The following CACNA1C variants were observed in gnomAD, a reference collection of about 807,000 sequenced individuals.
CACNA1C encodes calcium voltage-gated channel subunit alpha1 C, also known as voltage-dependent L-type calcium channel subunit alpha-1C.
In CACNA1C, 30 loss-of-function variants were observed where a neutral mutation model predicts 229.0. The ratio of observed to expected loss-of-function variants is 0.13; its 90% confidence interval spans 0.10 to 0.18. The LOEUF is 0.18. Among genes scored for constraint, CACNA1C ranks in the 10% least tolerant of loss-of-function variants. The pLI is 1.00. For missense variants in CACNA1C, 1,658 were observed against 2,845.0 expected (o/e 0.58, Z 9.49); for synonymous variants, 1,114 against 1,132.5 (o/e 0.98, Z 0.33).
At chr12:2,620,797 G>A (rs1026674645) in intron 29 of CACNA1C, among the ~76,000 whole-genome samples, 5 of 152,214 alleles carry the variant, frequency 3.3e-5, no homozygotes, top group Admixed American at 3.3e-4. Context: ...CACAAAAATT[G>A]CCAAATTCAT....
Position 1,971,157 on chromosome 12 carries a change from T to C in CACNA1C, c.95T>C (p.Leu32Ser). ...ACGGAGGTCAAGTTTAAGGGTACTT[T>C]GGTGCATGAAGCTCAACTCAACTAT... The change falls in exon 1 of 47, where the codon TTG (leucine) becomes TCG (serine). Residue 32 changes from leucine (L) to serine (S), a missense_variant. Transcript: ENST00000682462. The surrounding 1 kb of genome is among the most constrained non-coding windows in gnomAD (Gnocchi z 4.2). 7.8e-7 allele frequency: 1 copy of C among 1,289,420 alleles called. No individual in the cohort carries two copies. Among genetic ancestry groups the C allele is most frequent in the Non-Finnish European group, 1.0e-6 (1 of 988,530 alleles). 79.9% of individuals were successfully genotyped at this position (1,289,420 alleles called of 1,614,324 possible).
At chr12:2,638,283 C>T (rs1188594163) in intron 30 of CACNA1C, among the ~76,000 whole-genome samples, 1 of 152,124 alleles carries the variant, frequency 6.6e-6, no homozygotes, top group African/African-American at 2.4e-5. Flanking sequence ...AGATGGGCTT[C>T]CTTAAGGAGG....
At chr12:2,307,924 C>CGTCT (rs1295528316) in intron 3 of CACNA1C, among the ~76,000 whole-genome samples, 5 of 152,148 alleles carry the variant, frequency 3.3e-5, no homozygotes, top group Non-Finnish European at 7.4e-5. Flanking sequence ...AAAAGGAAGA[C>CGTCT]CTCTGGCTCT....
intron 3 of CACNA1C, among the ~76,000 whole-genome samples, chr12:2,240,754 G>GTGGCCTCCTCA (rs141179061): frequency 0.09 from 13,638 of 151,994 alleles, 1,018 homozygotes; most frequent in East Asian, 0.24. Flanking sequence ...GTGGGCACGC[G>GTGGCCTCCTCA]TGGCCTCCTC....
At chr12:2,328,406 T>A (rs2096415637) in intron 3 of CACNA1C, among the ~76,000 whole-genome samples, 1 of 147,348 alleles carries the variant, frequency 6.8e-6, no homozygotes, top group Admixed American at 6.7e-5. Context: ...TCTTTTATTT[T>A]AATTTGTCCA....
chr12:2,438,949 A>G (rs907464086), intron 3 of CACNA1C, among the ~76,000 whole-genome samples: 1 of 152,102 alleles, frequency 6.6e-6, no homozygotes, highest in Non-Finnish European at 1.5e-5. Flanking sequence ...GGGAAATTAC[A>G]TGCTAGCCCA....
rs772203990 is a variant in CACNA1C, at chr12:2,457,653, C to T, written c.704C>T (p.Ala235Val). 6.2e-7 allele frequency: 1 copy of T among 1,610,684 alleles called. No homozygotes were observed. The highest frequency in any genetic ancestry group is 8.5e-7 in the Non-Finnish European group (1 of 1,178,730). The change falls in exon 5 of 47, where the codon GCG (alanine) becomes GTG (valine). Residue 235 changes from alanine to valine, a missense_variant. This residue lies in a region of CACNA1C where 7 missense variants were observed against 72.4 expected (regional missense o/e 0.10). Coordinates refer to ENST00000399655, the MANE Select transcript of CACNA1C (RefSeq NM_000719.7). Reference sequence around the variant, plus strand: ...AAAGGGGCCGGATTTGATGTGAAGGCGCTGAGGGCCTTCCGCGTGCTGCGC... The same window carrying T: ...AAAGGGGCCGGATTTGATGTGAAGGTGCTGAGGGCCTTCCGCGTGCTGCGC... ...GGKGAGFDVK[A>V]LRAFRVLRPL...
intron 6 of CACNA1C, among the ~76,000 whole-genome samples, chr12:2,491,633 A>AAGGAGGAGGAGGAGGAGGAAG (rs1427089693): frequency 1.3e-4 from 19 of 149,324 alleles, no homozygotes; most frequent in African/African-American, 4.4e-4. Context: ...AGAGGAGAAG[A>AAGGAGGAGGAGGAGGAGGAAG]AGGAGGAGGA....
At chr12:2,525,967 C>A (rs2099817905) in intron 9 of CACNA1C, among the ~76,000 whole-genome samples, 2 of 152,052 alleles carry the variant, frequency 1.3e-5, no homozygotes, top group African/African-American at 2.4e-5. Context: ...CAAAGAGTTG[C>A]CTAATGAAAA....
At chr12:2,191,799 C>T (rs1415829547) in intron 3 of CACNA1C, among the ~76,000 whole-genome samples, 5 of 151,028 alleles carry the variant, frequency 3.3e-5, no homozygotes, top group Admixed American at 6.6e-5. Flanking sequence ...CATGATCTCA[C>T]GTACACAGGC....
At chr12:1,990,594 ATT>A (rs2039120311) in intron 1 of CACNA1C, among the ~76,000 whole-genome samples, 1 of 152,140 alleles carries the variant, frequency 6.6e-6, no homozygotes, top group Non-Finnish European at 1.5e-5. Context: ...ACCTCTATCA[ATT>A]CTACCTTTGT....
intron 3 of CACNA1C, among the ~76,000 whole-genome samples, chr12:2,213,922 G>A (rs2059327142): frequency 6.6e-6 from 1 of 152,218 alleles, no homozygotes; most frequent in African/African-American, 2.4e-5. Flanking sequence ...CAAGATTTGA[G>A]CCGGTTTTTA....
intron 3 of CACNA1C, among the ~76,000 whole-genome samples, chr12:2,293,075 C>T (rs76623174): frequency 0.047 from 7,087 of 152,062 alleles, 203 homozygotes; most frequent in Middle Eastern, 0.068. Flanking sequence ...TGGTTGTTCA[C>T]GGGGAATCTT....
At chr12:2,482,726 C>T (rs1367702148) in intron 5 of CACNA1C, among the ~76,000 whole-genome samples, 1 of 152,166 alleles carries the variant, frequency 6.6e-6, no homozygotes, top group Admixed American at 6.5e-5. Flanking sequence ...TTAAAGCACC[C>T]TATTCCACCT....
At chr12:2,035,748 C>T (rs1790488660) in intron 1 of CACNA1C, among the ~76,000 whole-genome samples, 1 of 152,224 alleles carries the variant, frequency 6.6e-6, no homozygotes, top group Non-Finnish European at 1.5e-5. Flanking sequence ...CGAGGCAGGA[C>T]GGTACTTAAA....
chr12:2,448,880 T>C (rs1226474692), intron 3 of CACNA1C, 96 bp from the exon 4 acceptor site: 7 of 1,060,232 alleles, frequency 6.6e-6, no homozygotes, highest in Non-Finnish European at 9.6e-6. Flanking sequence ...GGGGCAGCAT[T>C]ATCTTCCACC....
intron 3 of CACNA1C, among the ~76,000 whole-genome samples, chr12:2,136,616 A>G (rs115895641): frequency 0.023 from 3,472 of 151,330 alleles, 130 homozygotes; most frequent in African/African-American, 0.057. Context: ...GCAACAGTGA[A>G]GGAGGGAGTG....
chr12:2,665,448 G>A lies in CACNA1C; in HGVS notation c.4399-133G>A. On this transcript the variant is annotated intron_variant, in intron 35 of 46. Transcript: ENST00000399655. This position sits in a 1 kb window ranked among gnomAD's most constrained non-coding sequence, Gnocchi z 5.9. ...ATGTCCAAGAGACCCAGGTTCTCAG[G>A]CTGGTAGGATGGATGACTGGTCTTT... is the stretch of plus-strand genomic sequence containing the variant. 3 of 943,920 alleles carry A rather than the reference G, an allele frequency of 3.2e-6. No individual in the cohort carries two copies. The highest frequency in any genetic ancestry group is 3.3e-5 in the African/African-American group (2 of 60,476). 58.5% of individuals were successfully genotyped at this position (943,920 alleles called of 1,614,324 possible).
chr12:2,569,954 G>T (rs535463295), intron 13 of CACNA1C, among the ~76,000 whole-genome samples: 1 of 152,158 alleles, frequency 6.6e-6, no homozygotes, highest in Non-Finnish European at 1.5e-5. Context: ...CACAAGCATC[G>T]TTTTTAAAGA....
Sources: gnomAD v4.1 joint callset for allele counts (sites outside exome capture counted in the v4.1 genomes callset) on GRCh38, gnomAD v4.1.1 for gene constraint, gnomAD v4.1.1 regional missense constraint, Gnocchi (gnomAD v3.1) non-coding constraint, MANE v1.5 for transcripts, NCBI Gene and HGNC (gene_info 2026-07-23, HGNC 2026-07-21) for gene names.